The following MARCHF1 variants were observed in gnomAD, a reference collection of about 807,000 sequenced individuals.
MARCHF1 encodes E3 ubiquitin-protein ligase MARCHF1.
In MARCHF1, 40 loss-of-function variants were observed where a neutral mutation model predicts 54.2. The ratio of observed to expected loss-of-function variants is 0.74; its 90% CI spans 0.57 to 0.96. MARCHF1 has a LOEUF of 0.96. Among genes scored for constraint, MARCHF1 ranks in the 40% least tolerant of loss-of-function variants. The pLI is 0.00. For missense variants in MARCHF1, 586 were observed against 656.5 expected (o/e 0.89, Z 1.17); for synonymous variants, 236 against 236.3 (o/e 1.00, Z 0.01).
chr4:163,644,064 A>C (rs1742662705), intron 5 of MARCHF1, among the ~76,000 whole-genome samples: 1 of 152,154 alleles, frequency 6.6e-6, no homozygotes, highest in Non-Finnish European at 1.5e-5. Context: ...TAAATTATAA[A>C]ATTAATAACA....
Position 164,300,316 on chromosome 4 carries a change from T to C in MARCHF1, c.-323+83554A>G, listed in dbSNP as rs374284300. Among the ~76,000 whole-genome samples, 6 of 152,120 alleles carry C rather than the reference T, an allele frequency of 3.9e-5. No homozygotes were observed. The East Asian group carries it at 7.7e-4, about 20-fold the overall frequency. On this transcript the variant is annotated intron_variant, in intron 1 of 9. Transcript: ENST00000514618. The stretch of plus-strand genomic sequence containing the variant: ...ACTAGAGCCGATTGGTATATACTTA[T>C]GGGAGTTTATTTCTGGCCACAGTGA...
chr4:164,142,138 A>T (rs1756555894), intron 1 of MARCHF1, among the ~76,000 whole-genome samples: 1 of 152,206 alleles, frequency 6.6e-6, no homozygotes, highest in African/African-American at 2.4e-5. Flanking sequence ...GCGCACCTGG[A>T]GAATATATCC....
chr4:164,043,421 C>T (rs1183934642), intron 2 of MARCHF1, among the ~76,000 whole-genome samples: 1 of 152,134 alleles, frequency 6.6e-6, no homozygotes, highest in East Asian at 1.9e-4. Flanking sequence ...CAAGCTGTAC[C>T]TTTACCACTT....
At chr4:164,277,289 G>T (rs2111327703) in intron 1 of MARCHF1, among the ~76,000 whole-genome samples, 1 of 152,240 alleles carries the variant, frequency 6.6e-6, no homozygotes, top group Non-Finnish European at 1.5e-5. Context: ...CAAACAGTGG[G>T]CATGTAATGA....
At chr4:164,376,341 C>T (rs949240521) in intron 1 of MARCHF1, among the ~76,000 whole-genome samples, 1 of 152,000 alleles carries the variant, frequency 6.6e-6, no homozygotes, top group Non-Finnish European at 1.5e-5. Context: ...CTTTTTTTCT[C>T]TCATTGTAAT....
intron 2 of MARCHF1, among the ~76,000 whole-genome samples, chr4:164,006,989 T>C (rs1227402667): frequency 2.8e-5 from 1 of 35,196 alleles, no homozygotes; most frequent in Non-Finnish European, 4.8e-5. Context: ...CTCTGAAATC[T>C]GAAAAAAAAA....
rs58385154 is a variant in MARCHF1 at position 164,325,333 on chromosome 4, T to TTATATATATATATATATATATA, written c.-323+58515_-323+58536dup. Among the ~76,000 whole-genome samples the TTATATATATATATATATATATA allele has an allele frequency of 2.7e-3, 367 of 138,300 alleles. 3 individuals are homozygous for TTATATATATATATATATATATA. Among genetic ancestry groups the TTATATATATATATATATATATA allele is most frequent in the East Asian group, 0.018 (76 of 4,202 alleles). 90.7% of individuals were successfully genotyped at this position (138,300 alleles called of 152,430 possible). ...GGACCAGTGAGTTGGTAGACAGAAA[T>TTATATATATATATATATATATA]TATATATATATATATATATATATTT... On this transcript the variant is annotated intron_variant, in intron 1 of 9. Coordinates refer to ENST00000514618, the MANE Select transcript of MARCHF1 (RefSeq NM_001394959.1).
At chr4:164,007,646 C>CTGTG (rs70948688) in intron 2 of MARCHF1, among the ~76,000 whole-genome samples, 16 of 140,014 alleles carry the variant, frequency 1.1e-4, no homozygotes, top group African/African-American at 3.3e-4. Flanking sequence ...CTCTCTCTCT[C>CTGTG]TGTGTGTGTG....
chr4:163,713,761 T>C (rs1188058861), intron 4 of MARCHF1, among the ~76,000 whole-genome samples: 1 of 152,172 alleles, frequency 6.6e-6, no homozygotes, highest in Non-Finnish European at 1.5e-5. Context: ...GGGAGAGGTG[T>C]GAGACCCCAG....
chr4:164,126,690 G>C (rs1407016867), intron 1 of MARCHF1, among the ~76,000 whole-genome samples: 1 of 152,130 alleles, frequency 6.6e-6, no homozygotes, highest in Non-Finnish European at 1.5e-5. Context: ...CGGTCTTCTG[G>C]AAAAAGGCTT....
At chr4:163,550,407 G>A (rs1225110546) in intron 8 of MARCHF1, among the ~76,000 whole-genome samples, 1 of 151,466 alleles carries the variant, frequency 6.6e-6, no homozygotes, top group African/African-American at 2.4e-5. Flanking sequence ...TCCAGCTTCC[G>A]TAACAGTCAC....
intron 4 of MARCHF1, among the ~76,000 whole-genome samples, chr4:163,792,477 G>T (rs1156721982): frequency 6.6e-6 from 1 of 151,800 alleles, no homozygotes; most frequent in Non-Finnish European, 1.5e-5. Context: ...TCCAATATTT[G>T]CATTTCATAT....
At chr4:164,305,438 A>T (rs2111407100) in intron 1 of MARCHF1, among the ~76,000 whole-genome samples, 1 of 152,236 alleles carries the variant, frequency 6.6e-6, no homozygotes, top group Non-Finnish European at 1.5e-5. Flanking sequence ...GGAGTGAATT[A>T]TGTAATCAGC....
intron 2 of MARCHF1, among the ~76,000 whole-genome samples, chr4:164,089,112 C>T (rs34082577): frequency 0.028 from 4,250 of 152,018 alleles, 179 homozygotes; most frequent in African/African-American, 0.097. Flanking sequence ...TTATCTAAGG[C>T]AATATTATCC....
chr4:163,793,679 T>C (rs113219755), intron 4 of MARCHF1, among the ~76,000 whole-genome samples: 10,112 of 152,098 alleles, frequency 0.066, 766 homozygotes, highest in East Asian at 0.29. Flanking sequence ...TAGTTAAAGA[T>C]TGACCCCTGA....
At chr4:163,545,947 A>ATGTGTGTGTG (rs70948653) in intron 8 of MARCHF1, among the ~76,000 whole-genome samples, 260 of 149,048 alleles carry the variant, frequency 1.7e-3, no homozygotes, top group African/African-American at 6.1e-3. Context: ...TTAAATACAT[A>ATGTGTGTGTG]TGTGTGTGTG....
Position 163,597,484 on chromosome 4 carries a change from G to A in MARCHF1, c.1011-11555C>T, listed in dbSNP as rs188280045. On this transcript the variant is annotated intron_variant, in intron 7 of 9. Transcript: ENST00000514618. Reference sequence around the variant, plus strand: ...ATTGAGAGATATAACTCAAAACACAGTAAAATCTTAATTTAAAAATTACAT... The same window carrying A: ...ATTGAGAGATATAACTCAAAACACAATAAAATCTTAATTTAAAAATTACAT... Among the ~76,000 whole-genome samples the A allele has an allele frequency of 2.0e-5, 3 of 152,144 alleles. No individual in the cohort carries two copies. The East Asian group carries it at 5.8e-4, about 29-fold the overall frequency.
chr4:163,568,403 A>G (rs1031846172), intron 8 of MARCHF1, among the ~76,000 whole-genome samples: 2 of 152,136 alleles, frequency 1.3e-5, no homozygotes, highest in African/African-American at 2.4e-5. Flanking sequence ...CTGTTTCTCC[A>G]AAGTCACTTG....
intron 5 of MARCHF1, among the ~76,000 whole-genome samples, chr4:163,685,751 GC>G (rs1346933612): frequency 6.6e-6 from 1 of 152,142 alleles, no homozygotes; most frequent in Non-Finnish European, 1.5e-5. Context: ...ACCACACCCG[GC>G]CAATTCTCCA....
Sources: allele counts gnomAD v4.1 joint callset (sites outside exome capture counted in the v4.1 genomes callset), GRCh38; gene constraint gnomAD v4.1.1; transcripts MANE v1.5; gene names NCBI Gene and HGNC (gene_info 2026-07-23, HGNC 2026-07-21).